The following RNF150 variants were observed in gnomAD, a reference collection of about 807,000 sequenced individuals.
RNF150 encodes the protein ring finger protein 150.
In RNF150, 24 loss-of-function variants were observed where a neutral mutation model predicts 39.3. The ratio of observed to expected loss-of-function variants is 0.61; its 90% CI spans 0.44 to 0.86. The LOEUF is 0.86. Among genes scored for constraint, RNF150 ranks in the 40% least tolerant of loss-of-function variants. RNF150 has a pLI of 0.00. For missense variants in RNF150, 502 were observed against 587.8 expected, an observed-to-expected ratio of 0.85 and a Z score of 1.51; for synonymous variants, 255 against 227.3, an observed-to-expected ratio of 1.12 and a Z score of -1.10.
intron 1 of RNF150, among the ~76,000 whole-genome samples, chr4:141,194,429 T>C (rs913093845): frequency 2.0e-5 from 3 of 152,210 alleles, no homozygotes; most frequent in African/African-American, 7.2e-5. Context: ...GCTAATATCA[T>C]TTTCATATTT....
chr4:140,900,142 C>T (rs1730137606), intron 6 of RNF150, among the ~76,000 whole-genome samples: 1 of 152,106 alleles, frequency 6.6e-6, no homozygotes, highest in Non-Finnish European at 1.5e-5. Context: ...CCCTGAGGTT[C>T]AACTTATAAA....
chr4:141,119,871 AT>A (rs1479794053), intron 1 of RNF150, among the ~76,000 whole-genome samples: 2 of 152,192 alleles, frequency 1.3e-5, no homozygotes, highest in Admixed American at 6.5e-5. Context: ...CCCAGCAAGA[AT>A]AGCTCTGCTA....
Position 141,000,049 on chromosome 4 carries a change from AG to A in RNF150, c.485-32177del, listed in dbSNP as rs1560679259. On this transcript the variant is annotated intron_variant, in intron 1 of 6. Transcript: ENST00000515673. ...AAGAAGAAGAAGAAGAAGAAGAAGA[AG>A]AAGAAGAAGAAGAAGAAGAAGAAGA... Among the ~76,000 whole-genome samples the A allele has an allele frequency of 1.1e-3, 106 of 99,610 alleles. 7 individuals carry two copies. The highest frequency in any genetic ancestry group is 1.6e-3 in the Non-Finnish European group (74 of 46,356). The allele number at this position is 99,610 out of a possible 152,430, so 65.3% of individuals were successfully genotyped here. A position where few individuals can be genotyped will look rare whatever the true frequency, so the allele number is the denominator to read the frequency against.
chr4:140,974,627 T>C (rs1319976431), intron 1 of RNF150, among the ~76,000 whole-genome samples: 2 of 152,206 alleles, frequency 1.3e-5, no homozygotes, highest in African/African-American at 4.8e-5. Context: ...CAGCAATGTA[T>C]GAATGATTCA....
At chr4:141,155,971 C>T (rs1727388978) in intron 1 of RNF150, among the ~76,000 whole-genome samples, 3 of 151,480 alleles carry the variant, frequency 2.0e-5, no homozygotes, top group East Asian at 2.0e-4. Flanking sequence ...TGAGCCTGAC[C>T]TTCCATCCCA....
intron 1 of RNF150, among the ~76,000 whole-genome samples, chr4:140,968,527 C>T (rs111345573): frequency 0.02 from 3,108 of 151,772 alleles, 44 homozygotes; most frequent in Middle Eastern, 0.051. Context: ...TTCCACTGAA[C>T]CACGTACCAA....
chr4:140,983,621 C>A (rs1373438169), intron 1 of RNF150, among the ~76,000 whole-genome samples: 1 of 152,010 alleles, frequency 6.6e-6, no homozygotes, highest in African/African-American at 2.4e-5. Context: ...TATTACCTTT[C>A]CTGGGCATGC....
At chr4:141,169,753 A>G (rs1380242643) in intron 1 of RNF150, among the ~76,000 whole-genome samples, 3 of 151,966 alleles carry the variant, frequency 2.0e-5, no homozygotes, top group Non-Finnish European at 2.9e-5. Context: ...GTTTTGTTGT[A>G]ATATTTGCCA....
At chr4:141,129,693 G>C (rs1390117256) in intron 1 of RNF150, among the ~76,000 whole-genome samples, 1 of 152,228 alleles carries the variant, frequency 6.6e-6, no homozygotes, top group Non-Finnish European at 1.5e-5. Flanking sequence ...CCCAGGAGAA[G>C]TGGTGTCTTT....
intron 1 of RNF150, among the ~76,000 whole-genome samples, chr4:141,031,773 A>G (rs1350988816): frequency 6.6e-6 from 1 of 152,176 alleles, no homozygotes; most frequent in Admixed American, 6.6e-5. Context: ...ATGTGGAGAA[A>G]GGGAGAACCC....
intron 5 of RNF150, among the ~76,000 whole-genome samples, chr4:140,922,948 A>T (rs1277389261): frequency 6.6e-6 from 1 of 150,904 alleles, no homozygotes; most frequent in Non-Finnish European, 1.5e-5. Context: ...TCCCTTCCTT[A>T]CACCTTATAC....
Position 141,027,952 on chromosome 4 carries a change from T to TTTTTTTTTTTG in RNF150, c.485-60080_485-60079insCAAAAAAAAAA, listed in dbSNP as rs1553938684. Among the ~76,000 whole-genome samples the TTTTTTTTTTTG allele has an allele frequency of 1.8e-3, 131 of 71,606 alleles. 26 individuals are homozygous for TTTTTTTTTTTG. Among genetic ancestry groups the TTTTTTTTTTTG allele is most frequent in the Non-Finnish European group, 2.5e-3 (86 of 34,322 alleles). The allele number at this position is 71,606 out of a possible 152,430, so 47.0% of individuals were successfully genotyped here. On this transcript the variant is annotated intron_variant, in intron 1 of 6. Coordinates refer to ENST00000515673, the MANE Select transcript of RNF150 (RefSeq NM_020724.2). ...TTTTTTTTTTTTTTTTTTTTTTTTT[T>TTTTTTTTTTTG]CAATCCTGCTGGATCAAGATGTATA...
intron 1 of RNF150, among the ~76,000 whole-genome samples, chr4:141,082,311 C>T (rs1485131136): frequency 1.3e-5 from 2 of 152,218 alleles, no homozygotes; most frequent in African/African-American, 4.8e-5. Flanking sequence ...ATAAACGTTA[C>T]GGACCTTGTT....
intron 2 of RNF150, among the ~76,000 whole-genome samples, chr4:140,962,266 A>G (rs4055826): frequency 0.94 from 143,405 of 151,980 alleles, 68,216 homozygotes; most frequent in East Asian, 1. Flanking sequence ...GCTATGTGTG[A>G]CTATTTAAAT....
chr4:140,889,576 T>G (rs186253243), intron 6 of RNF150, among the ~76,000 whole-genome samples: 47 of 152,304 alleles, frequency 3.1e-4, no homozygotes, highest in Admixed American at 1.0e-3. Context: ...AGCAGAATTT[T>G]TTTTGGTGGG....
upstream of RNF150, among the ~76,000 whole-genome samples, chr4:141,135,279 G>C (rs1000498690): frequency 1.3e-5 from 2 of 152,160 alleles, no homozygotes; most frequent in African/African-American, 4.8e-5. Context: ...TCTCCATTCA[G>C]AGGCCAAAAG....
At chr4:141,182,058 A>G (rs1463965982) in intron 1 of RNF150, among the ~76,000 whole-genome samples, 1 of 152,108 alleles carries the variant, frequency 6.6e-6, no homozygotes, top group Non-Finnish European at 1.5e-5. Context: ...CCAGCATATA[A>G]ACAGAGCCAA....
intron 2 of RNF150, among the ~76,000 whole-genome samples, chr4:140,961,228 TTTAGC>T (rs1733010714): frequency 6.6e-6 from 1 of 152,162 alleles, no homozygotes; most frequent in East Asian, 1.9e-4. Flanking sequence ...GTGAAGAACA[TTTAGC>T]AAATATTACT....
intron 1 of RNF150, among the ~76,000 whole-genome samples, chr4:141,060,192 G>C (rs1737158903): frequency 6.6e-6 from 1 of 152,202 alleles, no homozygotes; most frequent in Non-Finnish European, 1.5e-5. Context: ...TGTAATCCTA[G>C]CACTCTGGGA....
Sources: allele counts gnomAD v4.1 joint callset (sites outside exome capture counted in the v4.1 genomes callset), GRCh38; gene constraint gnomAD v4.1.1; transcripts MANE v1.5; gene names NCBI Gene and HGNC (gene_info 2026-07-23, HGNC 2026-07-21).